The following NWD2 variants were observed in gnomAD, a reference collection of about 807,000 sequenced individuals.
NWD2 encodes NACHT and WD repeat domain-containing protein 2.
A neutral mutation model predicts 132.7 loss-of-function variants in NWD2; 37 were observed. That is an observed-to-expected ratio of 0.28 (90% CI 0.21 to 0.37). The LOEUF (loss-of-function observed/expected upper bound fraction) is 0.37, where lower values mean the gene tolerates loss of function less well. Among genes scored for constraint, NWD2 ranks in the 10% least tolerant of loss-of-function variants. NWD2 has a pLI of 1.00. For missense variants in NWD2, 1,592 were observed against 2,122.4 expected, an observed-to-expected ratio of 0.75 and a Z score of 4.91; for synonymous variants, 705 against 803.0, an observed-to-expected ratio of 0.88 and a Z score of 2.06.
chr4:37,284,119 T>C (rs1718179811), intron 1 of NWD2, among the ~76,000 whole-genome samples: 1 of 151,960 alleles, frequency 6.6e-6, no homozygotes, highest in African/African-American at 2.4e-5. Flanking sequence ...AGCTACAAAA[T>C]TGTATTTCTC....
intron 1 of NWD2, among the ~76,000 whole-genome samples, chr4:37,321,974 C>G (rs1249916804): frequency 6.6e-6 from 1 of 152,034 alleles, no homozygotes; most frequent in Non-Finnish European, 1.5e-5. Flanking sequence ...CTCATGACAC[C>G]AACTATCTAA....
chr4:37,295,454 T>G (rs922943489), intron 1 of NWD2, among the ~76,000 whole-genome samples: 6 of 152,222 alleles, frequency 3.9e-5, no homozygotes, highest in Admixed American at 3.9e-4. Context: ...TGCTGCGCCT[T>G]AGCTCAGCGT....
At chr4:37,419,039 T>C (rs1274722247) in intron 3 of NWD2, among the ~76,000 whole-genome samples, 3 of 152,088 alleles carry the variant, frequency 2.0e-5, no homozygotes, top group Non-Finnish European at 4.4e-5. Flanking sequence ...ATGGTACTTG[T>C]ACCAAAACAG....
At chr4:37,347,661 G>A (rs754619340) in intron 2 of NWD2, among the ~76,000 whole-genome samples, 1 of 151,938 alleles carries the variant, frequency 6.6e-6, no homozygotes, top group Admixed American at 6.6e-5. Context: ...TGTTATCCCT[G>A]TTACAGCTAG....
chr4:37,327,394 A>C (rs142572358), intron 2 of NWD2, among the ~76,000 whole-genome samples: 1 of 152,164 alleles, frequency 6.6e-6, no homozygotes, highest in African/African-American at 2.4e-5. Flanking sequence ...AAACTGTACT[A>C]GGCGAGGCCC....
chr4:37,392,747 A>G (rs1263200008), intron 3 of NWD2, among the ~76,000 whole-genome samples: 1 of 152,208 alleles, frequency 6.6e-6, no homozygotes, highest in Non-Finnish European at 1.5e-5. Context: ...AGAGCTCTGC[A>G]CACTGCAGGG....
chr4:37,355,696 A>G (rs571292549), intron 2 of NWD2, among the ~76,000 whole-genome samples: 2 of 152,342 alleles, frequency 1.3e-5, no homozygotes, highest in East Asian at 3.9e-4. Context: ...AAAGTTTGTT[A>G]TAGACTGCCA....
In NWD2 at chr4:37,254,027, C is replaced by T. The variant is rs145838971; in HGVS notation, c.151+8809C>T. Among the ~76,000 whole-genome samples, 44 of 152,178 alleles carry T rather than the reference C, an allele frequency of 2.9e-4. No individual in the cohort carries two copies. The East Asian group carries it at 8.5e-3, about 29-fold the overall frequency. The stretch of plus-strand genomic sequence containing the variant: ...GAACAAGTGGACACATAGAGGGCAA[C>T]AACACACACTGGGGCGTTTTGGAGG... On this transcript the variant is annotated intron_variant, in intron 1 of 6. Coordinates refer to ENST00000309447, the MANE Select transcript of NWD2 (RefSeq NM_001144990.2).
At chr4:37,315,253 C>T (rs1718934563) in intron 1 of NWD2, among the ~76,000 whole-genome samples, 1 of 151,976 alleles carries the variant, frequency 6.6e-6, no homozygotes, top group Admixed American at 6.6e-5. Context: ...GCATTCTGCT[C>T]TCTTGGGGGT....
In NWD2 at chr4:37,443,455, C is replaced by T. The variant is rs1362779712; in HGVS notation, c.1467C>T (p.Ile489=). 5.8e-6 allele frequency: 9 copies of T among 1,552,152 alleles called. No individual in the cohort carries two copies. The highest frequency in any genetic ancestry group is 7.8e-6 in the Non-Finnish European group (9 of 1,147,122). ...RCLVQSYPKK[I]HDLCDLFINL... is the part of the protein sequence containing the mutation. ...TGGTTCAAAGCTACCCTAAGAAGATCCATGACCTCTGTGACTTATTTATAA... is the reference window on the plus strand; with the variant it reads ...TGGTTCAAAGCTACCCTAAGAAGATTCATGACCTCTGTGACTTATTTATAA... Residue 489 remains isoleucine (I), a synonymous_variant, in exon 7 of 7, where the codon ATC becomes ATT. Coordinates refer to ENST00000309447, the MANE Select transcript of NWD2 (RefSeq NM_001144990.2). This position sits in a 1 kb window ranked among gnomAD's most constrained non-coding sequence, Gnocchi z 4.1.
intron 1 of NWD2, among the ~76,000 whole-genome samples, chr4:37,298,822 C>T (rs1483552010): frequency 1.3e-5 from 2 of 152,144 alleles, no homozygotes; most frequent in South Asian, 2.1e-4. Context: ...TTAATCACCC[C>T]GTTATGATGA....
chr4:37,310,946 C>T (rs1577663797), intron 1 of NWD2, among the ~76,000 whole-genome samples: 3 of 151,764 alleles, frequency 2.0e-5, no homozygotes, highest in Admixed American at 1.3e-4. Flanking sequence ...ATCCATGTCC[C>T]TACAAAGGAC....
At chr4:37,256,928 T>C (rs903600462) in intron 1 of NWD2, among the ~76,000 whole-genome samples, 3 of 152,098 alleles carry the variant, frequency 2.0e-5, no homozygotes, top group African/African-American at 7.2e-5. Context: ...TATTAAGAGG[T>C]GGGATCTATG....
intron 3 of NWD2, among the ~76,000 whole-genome samples, chr4:37,405,095 G>A (rs6531535): frequency 0.33 from 49,673 of 151,956 alleles, 9,076 homozygotes; most frequent in African/African-American, 0.49. Context: ...ATGATGAATC[G>A]ATGAACAAAT....
At chr4:37,409,458 GA>G (rs1157171925) in intron 3 of NWD2, among the ~76,000 whole-genome samples, 1 of 151,518 alleles carries the variant, frequency 6.6e-6, no homozygotes, top group Admixed American at 6.6e-5. Flanking sequence ...CAAGATTATG[GA>G]AAAAAAATAA....
intron 2 of NWD2, among the ~76,000 whole-genome samples, chr4:37,326,423 C>G (rs1182467357): frequency 6.6e-6 from 1 of 152,148 alleles, no homozygotes; most frequent in Non-Finnish European, 1.5e-5. Flanking sequence ...CCAGGCCTGG[C>G]CTTGCCTTCT....
chr4:37,443,916 A>C lies in NWD2; in HGVS notation c.1928A>C (p.Glu643Ala). The C allele has an allele frequency of 1.3e-6, 2 of 1,552,326 alleles. No homozygotes were observed. Among genetic ancestry groups the C allele is most frequent in the South Asian group, 2.4e-5 (2 of 84,052 alleles). Residue 643 changes from glutamate (E) to alanine (A), a missense_variant, in exon 7 of 7, where the codon GAG becomes GCG. Physicochemically the swap from Glu to Ala is moderately radical, Grantham distance 107. Around this residue, in one of 7 missense-constraint regions of NWD2, gnomAD observed 1,071 missense variants for 1,398.0 expected, o/e 0.77. Transcript: ENST00000309447. This position sits in a 1 kb window ranked among gnomAD's most constrained non-coding sequence, Gnocchi z 4.1. ...SLSVTVHESI[E>A]QLFWSLEKKC... ...TCTGTCACCGTTCATGAAAGTATAG[A>C]GCAGTTATTCTGGTCCTTGGAGAAG...
At chr4:37,424,570 T>G (rs1369778258) in intron 3 of NWD2, among the ~76,000 whole-genome samples, 1 of 152,200 alleles carries the variant, frequency 6.6e-6, no homozygotes, top group African/African-American at 2.4e-5. Context: ...GCTTCAGTGA[T>G]TAGGTTGGGA....
At chr4:37,279,141 G>C (rs556058098) in intron 1 of NWD2, among the ~76,000 whole-genome samples, 6 of 152,206 alleles carry the variant, frequency 3.9e-5, no homozygotes, top group Non-Finnish European at 7.4e-5. Context: ...TCTGTGGCAA[G>C]TTCCTTTATT....
Sources: allele counts gnomAD v4.1 joint callset (sites outside exome capture counted in the v4.1 genomes callset), GRCh38; gene constraint gnomAD v4.1.1; regional missense constraint gnomAD v4.1.1; non-coding constraint Gnocchi (gnomAD v3.1); transcripts MANE v1.5; gene names NCBI Gene and HGNC (gene_info 2026-07-23, HGNC 2026-07-21).